The following UBE2U variants were observed in gnomAD, a reference collection of about 807,000 sequenced individuals.
UBE2U encodes the protein ubiquitin-conjugating enzyme E2 U.
Under a neutral mutation model 41.2 loss-of-function variants are expected in UBE2U, and 39 were observed. The ratio of observed to expected loss-of-function variants is 0.95; its 90% CI spans 0.73 to 1.24. UBE2U has a LOEUF of 1.24. UBE2U is among the 50% of genes most tolerant of loss of function. The pLI, the probability that UBE2U is intolerant of heterozygous loss-of-function variation, is 0.00. For missense variants in UBE2U, 336 were observed against 363.1 expected (o/e 0.93, Z 0.61); for synonymous variants, 107 against 117.8 (o/e 0.91, Z 0.60).
At chr1:64,257,164 G>A (rs1431890860) in intron 8 of UBE2U, among the ~76,000 whole-genome samples, 4 of 152,200 alleles carry the variant, frequency 2.6e-5, no homozygotes, top group Admixed American at 2.6e-4. Flanking sequence ...CTGTTGGTGG[G>A]TGTGTAAATT....
At chr1:64,254,992 T>C (rs1367797001) in intron 8 of UBE2U, among the ~76,000 whole-genome samples, 1 of 151,796 alleles carries the variant, frequency 6.6e-6, no homozygotes, top group African/African-American at 2.4e-5. Context: ...AGCTGTGTTT[T>C]TGAAAAAAAA....
rs990310403 is a variant in UBE2U, at chr1:64,216,713, A to G, written c.457+1781A>G. Among the ~76,000 whole-genome samples the G allele has an allele frequency of 5.3e-5, 8 of 152,212 alleles. 1 individual carries two copies. The highest frequency in any genetic ancestry group is 1.9e-4 in the African/African-American group (8 of 41,452). On this transcript the variant is annotated intron_variant, in intron 5 of 9. Coordinates refer to ENST00000371077, the MANE Select transcript of UBE2U (RefSeq NM_001366232.2). ...CTGGTATGTGATATGCAGACATGTA[A>G]ATGTCGCTCATTACCCAAACTTTTC... is the stretch of plus-strand genomic sequence containing the variant.
intron 7 of UBE2U, among the ~76,000 whole-genome samples, chr1:64,236,470 A>G (rs1374033369): frequency 1.3e-5 from 2 of 152,210 alleles, no homozygotes; most frequent in Admixed American, 6.5e-5. Flanking sequence ...AAAATGTACC[A>G]AGGATCCACT....
intron 8 of UBE2U, among the ~76,000 whole-genome samples, chr1:64,246,507 AT>A (rs1365866416): frequency 6.6e-6 from 1 of 152,170 alleles, no homozygotes; most frequent in Admixed American, 6.5e-5. Context: ...ATTCCCTAAA[AT>A]TAAACCTTGA....
intron 3 of UBE2U, among the ~76,000 whole-genome samples, chr1:64,208,193 A>C (rs1190431151): frequency 6.6e-6 from 1 of 152,226 alleles, no homozygotes; most frequent in Non-Finnish European, 1.5e-5. Context: ...TTGAGGAAGT[A>C]GTGTGACAGT....
At chr1:64,258,975 C>T (rs886168970) in intron 8 of UBE2U, among the ~76,000 whole-genome samples, 4 of 152,218 alleles carry the variant, frequency 2.6e-5, no homozygotes, top group Non-Finnish European at 4.4e-5. Context: ...ACATCCTCTC[C>T]AACATCTGTT....
chr1:64,217,328 T>A (rs1445985264), intron 5 of UBE2U, among the ~76,000 whole-genome samples: 2 of 152,192 alleles, frequency 1.3e-5, no homozygotes, highest in African/African-American at 4.8e-5. Flanking sequence ...AACCTATTGT[T>A]CAACTAGTTT....
At chr1:64,251,124 A>G (rs1645004550) in intron 8 of UBE2U, among the ~76,000 whole-genome samples, 1 of 151,450 alleles carries the variant, frequency 6.6e-6, no homozygotes, top group Admixed American at 6.6e-5. Flanking sequence ...AAAGAAAACT[A>G]CAGATAAATA....
In UBE2U at chr1:64,267,222, A is replaced by G; in HGVS notation, c.*14A>G. 6.8e-7 allele frequency: 1 copy of G among 1,476,642 alleles called. No individual in the cohort carries two copies. Among genetic ancestry groups the G allele is most frequent in the Non-Finnish European group, 9.0e-7 (1 of 1,115,620 alleles). 91.5% of individuals were successfully genotyped at this position (1,476,642 alleles called of 1,614,324 possible). A position where few individuals can be genotyped will look rare whatever the true frequency, so the allele number is the denominator to read the frequency against. ...TCAGAAGATTAAGCAGAACATTATC[A>G]GATTCAAAAAATAAACAGCCTCCGC... On this transcript the variant is annotated 3_prime_UTR_variant, in exon 10 of 10. Coordinates refer to ENST00000371077, the MANE Select transcript of UBE2U (RefSeq NM_001366232.2).
chr1:64,253,942 C>T (rs991594909), intron 8 of UBE2U, among the ~76,000 whole-genome samples: 7 of 152,178 alleles, frequency 4.6e-5, no homozygotes, highest in Non-Finnish European at 7.4e-5. Context: ...ATGTGCTAAA[C>T]GCCCCAAATA....
intron 5 of UBE2U, among the ~76,000 whole-genome samples, chr1:64,220,547 G>T (rs547577309): frequency 5.9e-5 from 9 of 152,194 alleles, no homozygotes; most frequent in Non-Finnish European, 1.0e-4. Flanking sequence ...CCTTCCAGAG[G>T]TATCTGGCAC....
At chr1:64,242,432 G>A (rs1189098728) in intron 8 of UBE2U, among the ~76,000 whole-genome samples, 2 of 151,954 alleles carry the variant, frequency 1.3e-5, no homozygotes, top group African/African-American at 4.8e-5. Context: ...TAAAGGTAGG[G>A]GAATTAAAGA....
chr1:64,250,044 A>C (rs1644981711), intron 8 of UBE2U, among the ~76,000 whole-genome samples: 1 of 152,176 alleles, frequency 6.6e-6, no homozygotes, highest in South Asian at 2.1e-4. Context: ...CACATGTTAC[A>C]CATAAAGGAG....
chr1:64,266,167 A>T (rs1340528871), intron 9 of UBE2U, among the ~76,000 whole-genome samples: 1 of 152,220 alleles, frequency 6.6e-6, no homozygotes, highest in Non-Finnish European at 1.5e-5. Context: ...GTAGAAATAT[A>T]CATCTAGAAA....
chr1:64,246,069 ATT>A (rs1644915222), intron 8 of UBE2U, among the ~76,000 whole-genome samples: 1 of 152,212 alleles, frequency 6.6e-6, no homozygotes, highest in African/African-American at 2.4e-5. Context: ...TCAAGTGTAC[ATT>A]TTGTGAAAAA....
In UBE2U at chr1:64,205,632, C is replaced by T; in HGVS notation, c.67-7C>T. 6.2e-7 allele frequency: 1 copy of T among 1,605,404 alleles called. No homozygotes were observed. The highest frequency in any genetic ancestry group is 8.5e-7 in the Non-Finnish European group (1 of 1,176,778). On this transcript the variant is annotated splice_region_variant and splice_polypyrimidine_tract_variant and intron_variant, in intron 1 of 9. Coordinates refer to ENST00000371077, the MANE Select transcript of UBE2U (RefSeq NM_001366232.2). Reference sequence around the variant, plus strand: ...TTTTCTGATTTAATTTTGTTTTTAACTTCAAGGGTATCACTGCTAAGCCTG... The same window carrying T: ...TTTTCTGATTTAATTTTGTTTTTAATTTCAAGGGTATCACTGCTAAGCCTG...
intron 8 of UBE2U, among the ~76,000 whole-genome samples, chr1:64,255,549 C>G (rs1645076771): frequency 6.6e-6 from 1 of 152,132 alleles, no homozygotes. Flanking sequence ...CTGAATCTAG[C>G]AGCACATCAA....
intron 8 of UBE2U, among the ~76,000 whole-genome samples, chr1:64,245,416 G>A (rs541670395): frequency 1.3e-5 from 2 of 152,326 alleles, no homozygotes; most frequent in South Asian, 4.1e-4. Flanking sequence ...GATTGCTTCT[G>A]TGACAACAGA....
At chr1:64,221,213 G>C (rs917612776) in intron 6 of UBE2U, among the ~76,000 whole-genome samples, 4 of 152,090 alleles carry the variant, frequency 2.6e-5, no homozygotes, top group Non-Finnish European at 5.9e-5. Flanking sequence ...CACGGTTCAA[G>C]CGATTCTCCT....
Sources: gnomAD v4.1 joint callset for allele counts (sites outside exome capture counted in the v4.1 genomes callset) on GRCh38, gnomAD v4.1.1 for gene constraint, MANE v1.5 for transcripts, NCBI Gene and HGNC (gene_info 2026-07-23, HGNC 2026-07-21) for gene names.